The following IMPA1 variants were observed in gnomAD, a reference collection of about 807,000 sequenced individuals.
IMPA1 encodes D-galactose 1-phosphate phosphatase.
IMPA1 carries 21 observed loss-of-function variants against 34.9 expected under a neutral mutation model. That is an observed-to-expected ratio of 0.60 (90% CI 0.43 to 0.87). IMPA1 has a LOEUF of 0.87. IMPA1 is among the 40% of genes least tolerant of loss of function. The pLI, the probability that IMPA1 is intolerant of heterozygous loss-of-function variation, is 0.00. For missense variants in IMPA1, 299 were observed against 336.4 expected (o/e 0.89, Z 0.87); for synonymous variants, 95 against 104.4 (o/e 0.91, Z 0.55).
rs2975929 is a variant in IMPA1 at position 81,668,014 on chromosome 8, A to G, written c.566+2925T>C. ...AATTTTTTGTATTTTTAGTAGAGAC[A>G]GGGTTTCACCGTGTTAGCCAGGATG... On this transcript the variant is annotated intron_variant, in intron 7 of 8. Transcript: ENST00000256108. Among the ~76,000 whole-genome samples the G allele has an allele frequency of 2.2e-4, 34 of 151,820 alleles. 1 individual carries two copies. The highest frequency in any genetic ancestry group is 2.2e-4 in the Non-Finnish European group (15 of 67,932).
intron 5 of IMPA1, chr8:81,674,816 A>C (rs745663175): frequency 1.8e-5 from 8 of 455,616 alleles, no homozygotes; most frequent in South Asian, 1.1e-4. Context: ...CGGGGGAAGA[A>C]CCTACGGTTC....
chr8:81,678,201 G>GCCCCAT (rs1342923016), intron 4 of IMPA1, among the ~76,000 whole-genome samples: 2 of 149,412 alleles, frequency 1.3e-5, no homozygotes, highest in African/African-American at 2.5e-5. Context: ...CCCAGCCCCA[G>GCCCCAT]CCCCATCCCC....
At chr8:81,660,871 A>C (rs566414765) in intron 7 of IMPA1, among the ~76,000 whole-genome samples, 1 of 152,330 alleles carries the variant, frequency 6.6e-6, no homozygotes, top group East Asian at 1.9e-4. Context: ...CAAAACCCTC[A>C]CAAAGCAATA....
chr8:81,663,193 C>G (rs1440711611), intron 7 of IMPA1, among the ~76,000 whole-genome samples: 1 of 152,182 alleles, frequency 6.6e-6, no homozygotes, highest in African/African-American at 2.4e-5. Context: ...AAACCTCTTG[C>G]AACTCGTTTA....
rs538090001 is a variant in IMPA1 at position 81,658,120 on chromosome 8, CAAT to C, written c.*1228_*1230del. ...ACATACTTAATATATTAGATATACACAATAATAAAATCACTCCCTACCTTGAAA... is the reference window on the plus strand; with the variant it reads ...ACATACTTAATATATTAGATATACACAATAAAATCACTCCCTACCTTGAAA... On this transcript the variant is annotated 3_prime_UTR_variant, in exon 9 of 9. Coordinates refer to ENST00000256108, the MANE Select transcript of IMPA1 (RefSeq NM_005536.4). 1.1e-3 allele frequency: 160 copies of C among 152,176 alleles called. No homozygotes were observed. The highest frequency in any genetic ancestry group is 3.8e-3 in the African/African-American group (158 of 41,524). The allele number at this position is 152,176 out of a possible 1,614,324, so 9.4% of individuals were successfully genotyped here.
intron 5 of IMPA1, chr8:81,674,636 T>G (rs1408275808): frequency 5.8e-6 from 2 of 347,350 alleles, no homozygotes; most frequent in African/African-American, 4.3e-5. Context: ...CTAATTCGTT[T>G]CAGTTATGAT....
chr8:81,671,985 C>T (rs1415946363), intron 6 of IMPA1, among the ~76,000 whole-genome samples: 3 of 152,170 alleles, frequency 2.0e-5, no homozygotes, highest in Non-Finnish European at 4.4e-5. Flanking sequence ...TCTATCAAAG[C>T]TACCATATTC....
At chr8:81,678,670 C>T (rs1807201542) in intron 4 of IMPA1, 1 of 182,732 alleles carries the variant, frequency 5.5e-6, no homozygotes, top group Admixed American at 6.1e-5. Context: ...TCAGCCTGGC[C>T]AACAAGAGGG....
At chr8:81,669,607 C>A (rs139148630) in intron 7 of IMPA1, among the ~76,000 whole-genome samples, 1 of 152,142 alleles carries the variant, frequency 6.6e-6, no homozygotes, top group South Asian at 2.1e-4. Context: ...ATCTTTGAAG[C>A]AGATAGCTTG....
At chr8:81,666,685 C>G (rs989310407) in intron 7 of IMPA1, among the ~76,000 whole-genome samples, 7 of 152,006 alleles carry the variant, frequency 4.6e-5, no homozygotes, top group Admixed American at 4.6e-4. Flanking sequence ...ACCAGCCTGG[C>G]CAACATGGCG....
intron 8 of IMPA1, among the ~76,000 whole-genome samples, chr8:81,660,029 G>A (rs572850662): frequency 1.3e-5 from 2 of 152,288 alleles, no homozygotes; most frequent in South Asian, 2.1e-4. Context: ...CAAGGGTGTC[G>A]AATATTTTGG....
At chr8:81,659,529 G>GT (rs1453417511) in intron 8 of IMPA1, 63 bp from the exon 9 acceptor site, 1 of 908,604 alleles carries the variant, frequency 1.1e-6, no homozygotes, top group East Asian at 2.4e-5. Context: ...TATAAAACAA[G>GT]TATAGCAATA....
chr8:81,677,379 G>A (rs1233064144), intron 4 of IMPA1, among the ~76,000 whole-genome samples: 1 of 152,214 alleles, frequency 6.6e-6, no homozygotes, highest in Non-Finnish European at 1.5e-5. Flanking sequence ...ACAGGCATGA[G>A]CCACCGCGCC....
At chr8:81,683,063 G>C (rs1417440319) in intron 1 of IMPA1, among the ~76,000 whole-genome samples, 1 of 152,190 alleles carries the variant, frequency 6.6e-6, no homozygotes, top group Non-Finnish European at 1.5e-5. Flanking sequence ...CATCAGATCA[G>C]GTTTCCCTGA....
chr8:81,679,221 A>G lies in IMPA1; in HGVS notation c.207T>C (p.Gly69=), dbSNP rs773219200. The G allele has an allele frequency of 6.2e-7, 1 of 1,611,954 alleles. No individual in the cohort carries two copies. The highest frequency in any genetic ancestry group is 8.5e-7 in the Non-Finnish European group (1 of 1,178,046). ...KEKYPSHSFI[G]EESVAAGEKS... is the part of the protein sequence containing the mutation. ...TTTCCCCAGCTGCCACAGATTCTTCACCAATGAAACTAAAAGCCAAGTAGG... is the reference window on the plus strand; with the variant it reads ...TTTCCCCAGCTGCCACAGATTCTTCGCCAATGAAACTAAAAGCCAAGTAGG... The change falls in exon 4 of 9, where the codon GGT becomes GGC. Residue 69 remains glycine (G), a synonymous_variant. Coordinates refer to ENST00000256108, the MANE Select transcript of IMPA1 (RefSeq NM_005536.4).
intron 7 of IMPA1, among the ~76,000 whole-genome samples, chr8:81,668,773 G>A (rs1291470175): frequency 6.6e-6 from 1 of 152,100 alleles, no homozygotes; most frequent in Non-Finnish European, 1.5e-5. Context: ...TACTTCTAAA[G>A]ACAATGAAAG....
intron 7 of IMPA1, among the ~76,000 whole-genome samples, chr8:81,668,681 GGT>G (rs943600490): frequency 1.1e-4 from 16 of 152,096 alleles, no homozygotes; most frequent in East Asian, 7.7e-4. Flanking sequence ...AGAGTGAAAA[GGT>G]GTGTTCAAAG....
intron 7 of IMPA1, among the ~76,000 whole-genome samples, chr8:81,668,972 C>T (rs974474666): frequency 6.6e-6 from 1 of 152,172 alleles, no homozygotes; most frequent in African/African-American, 2.4e-5. Context: ...TATACCACAT[C>T]TCTACAAGGT....
chr8:81,662,746 C>T (rs1168581346), intron 7 of IMPA1, among the ~76,000 whole-genome samples: 2 of 152,192 alleles, frequency 1.3e-5, no homozygotes, highest in African/African-American at 4.8e-5. Flanking sequence ...TAGCAGAGTG[C>T]CTAGCATATA....
Sources: gnomAD v4.1 joint callset for allele counts (sites outside exome capture counted in the v4.1 genomes callset) on GRCh38, gnomAD v4.1.1 for gene constraint, MANE v1.5 for transcripts, NCBI Gene and HGNC (gene_info 2026-07-23, HGNC 2026-07-21) for gene names.